The following HLA-DRB5 variants were observed in gnomAD, a reference collection of about 807,000 sequenced individuals.
The protein encoded by HLA-DRB5 is DR beta-5.
Under a neutral mutation model 22.4 loss-of-function variants are expected in HLA-DRB5, and 11 were observed. The observed-to-expected ratio is 0.49, with a 90% CI of 0.31 to 0.81. The LOEUF (loss-of-function observed/expected upper bound fraction) is 0.81, where lower values mean the gene tolerates loss of function less well. HLA-DRB5 is among the 40% of genes least tolerant of loss of function. HLA-DRB5 has a pLI of 0.05. For synonymous variants in HLA-DRB5, 57 were observed against 106.0 expected (o/e 0.54, Z 2.84); for missense variants, 106 against 274.4 (o/e 0.39, Z 4.34).
chr6:32,521,588 T>G (rs1768875056), intron 2 of HLA-DRB5, among the ~76,000 whole-genome samples: 1 of 101,234 alleles, frequency 9.9e-6, no homozygotes. Flanking sequence ...CAAGGTCTCC[T>G]CTCTCTCCAG....
intron 1 of HLA-DRB5, among the ~76,000 whole-genome samples, chr6:32,525,522 AG>A (rs1769494976): frequency 8.0e-6 from 1 of 124,864 alleles, no homozygotes; most frequent in African/African-American, 3.3e-5. Flanking sequence ...CTGAAAACAG[AG>A]GGCAGAAACA....
In HLA-DRB5 at chr6:32,519,589, C is replaced by CCAGGAG; in HGVS notation, c.427_432dup (p.Leu143_Leu144dup). ...GGATAGAAACCATTCACAGAGCAGA[C>CCAGGAG]CAGGAGGTTGTGGTGCTGCAGGGTC... On this transcript the variant is annotated inframe_insertion, in exon 3 of 6. Transcript: ENST00000374975. 8.3e-7 allele frequency: 1 copy of CCAGGAG among 1,199,208 alleles called. No individual in the cohort carries two copies. The highest frequency in any genetic ancestry group is 1.1e-6 in the Non-Finnish European group (1 of 879,532). The allele number at this position is 1,199,208 out of a possible 1,614,324, so 74.3% of individuals were successfully genotyped here.
intron 1 of HLA-DRB5, among the ~76,000 whole-genome samples, chr6:32,528,024 C>T (rs796325316): frequency 4.3e-4 from 7 of 16,386 alleles, no homozygotes; most frequent in East Asian, 1.4e-3. Flanking sequence ...CTTGCTTGCT[C>T]ACTTCAGTCC....
At chr6:32,524,089 C>T (rs72508446) in intron 1 of HLA-DRB5, among the ~76,000 whole-genome samples, 8 of 50,254 alleles carry the variant, frequency 1.6e-4, no homozygotes, top group African/African-American at 2.1e-4. Context: ...CAGGTGTGAA[C>T]CATCTGAAAA....
chr6:32,528,545 C>T (rs57818883), intron 1 of HLA-DRB5, among the ~76,000 whole-genome samples: 3,950 of 41,266 alleles, frequency 0.096, 1,785 homozygotes, highest in Admixed American at 0.22. Flanking sequence ...AATCCTTCTC[C>T]TCCCGGTGAG....
chr6:32,530,023 A>C, intron 1 of HLA-DRB5, 102 bp downstream of exon 1: 7 of 676,186 alleles, frequency 1.0e-5, no homozygotes, highest in East Asian at 6.2e-5. Context: ...TCTCTGAAGA[A>C]AATGTCACAA....
At chr6:32,523,816 C>T (rs74203767) in intron 1 of HLA-DRB5, among the ~76,000 whole-genome samples, 1 of 83,934 alleles carries the variant, frequency 1.2e-5, no homozygotes, top group African/African-American at 4.2e-5. Context: ...AGATGTGAGT[C>T]TAGAATTTTC....
At chr6:32,522,232 A>C (rs147793404) in intron 1 of HLA-DRB5, 58 bp from the exon 2 acceptor site, 71,812 of 390,384 alleles carry the variant, frequency 0.18, 17,408 homozygotes, top group Middle Eastern at 0.25. Flanking sequence ...ATACTGACAG[A>C]GACGCCGCCA....
In HLA-DRB5 at chr6:32,519,490, G is replaced by A; in HGVS notation, c.532C>T (p.Gln178Ter). ...GTCTGGAAGGTCCAGTCTCCATTCTGAATCAGGCCTGTGGACACCACCCCA... is the reference window on the plus strand; with the variant it reads ...GTCTGGAAGGTCCAGTCTCCATTCTAAATCAGGCCTGTGGACACCACCCCA... ...KAGVVSTGLI[Q>*]NGDWTFQTLV... The change falls in exon 3 of 6, where the codon CAG (glutamine) becomes TAG (stop). Residue 178 changes from glutamine (Q) to a stop codon, truncating the protein, a stop_gained. Coordinates refer to ENST00000374975, the MANE Select transcript of HLA-DRB5 (RefSeq NM_002125.4). LOFTEE classifies it high-confidence loss of function. 2 of 1,476,918 alleles carry A rather than the reference G, an allele frequency of 1.4e-6. No individual in the cohort carries two copies. Among genetic ancestry groups the A allele is most frequent in the Non-Finnish European group, 1.8e-6 (2 of 1,095,234 alleles). 91.5% of individuals were successfully genotyped at this position (1,476,918 alleles called of 1,614,324 possible).
At position 32,521,570 on chromosome 6, in the gene HLA-DRB5, G is replaced by T. The variant is rs561446219; in HGVS notation, c.370+335C>A. 7.1e-3 allele frequency among the ~76,000 whole-genome samples: 497 copies of T among 70,152 alleles called. 22 individuals carry two copies. The highest frequency in any genetic ancestry group is 0.024 in the African/African-American group (416 of 17,530). The allele number at this position is 70,152 out of a possible 152,430, so 46.0% of individuals were successfully genotyped here. A position where few individuals can be genotyped will look rare whatever the true frequency, so the allele number is the denominator to read the frequency against. ...TCCTTCCCTGCATCTCTAAGGACAC[G>T]AGACAACCAAGGTCTCCTCTCTCTC... On this transcript the variant is annotated intron_variant, in intron 2 of 5. Coordinates refer to ENST00000374975, the MANE Select transcript of HLA-DRB5 (RefSeq NM_002125.4).
In HLA-DRB5 at chr6:32,528,113, G is replaced by T. The variant is rs184297370; in HGVS notation, c.100+2012C>A. Among the ~76,000 whole-genome samples, 7 of 68,778 alleles carry T rather than the reference G, an allele frequency of 1.0e-4. No homozygotes were observed. The East Asian group carries it at 2.6e-3, about 25-fold the overall frequency. 45.1% of individuals were successfully genotyped at this position (68,778 alleles called of 152,430 possible). On this transcript the variant is annotated intron_variant, in intron 1 of 5. Coordinates refer to ENST00000374975, the MANE Select transcript of HLA-DRB5 (RefSeq NM_002125.4). ...CCAATTCGGTCTCCCTGGAACTTTC[G>T]TCCCTTAGATCTTCACGACTGTCTA...
intron 4 of HLA-DRB5, 49 bp from the exon 5 acceptor site, chr6:32,518,126 C>T: frequency 2.7e-6 from 1 of 369,358 alleles, no homozygotes; most frequent in Non-Finnish European, 3.9e-6. Flanking sequence ...GGAAGCAAAT[C>T]TATTCTCCCA....
At chr6:32,520,369 G>T (rs113183253) in intron 2 of HLA-DRB5, among the ~76,000 whole-genome samples, 6,711 of 57,106 alleles carry the variant, frequency 0.12, no homozygotes, top group Middle Eastern at 0.17. Flanking sequence ...AGAAATGGTT[G>T]TGCCCCTGGG....
chr6:32,527,058 A>ATACATGCCCAGTCTG (rs1769689058), intron 1 of HLA-DRB5, among the ~76,000 whole-genome samples: 1 of 18,346 alleles, frequency 5.5e-5, no homozygotes, highest in Non-Finnish European at 1.1e-4. Context: ...GGTAAGCAAA[A>ATACATGCCCAGTCTG]TCCACTTTAT....
At chr6:32,529,663 T>C (rs1770105354) in intron 1 of HLA-DRB5, among the ~76,000 whole-genome samples, 1 of 130,002 alleles carries the variant, frequency 7.7e-6, no homozygotes, top group African/African-American at 3.2e-5. Flanking sequence ...TTCTCACATA[T>C]GAGGAAGAGG....
chr6:32,524,784 T>C (rs114646537), intron 1 of HLA-DRB5, among the ~76,000 whole-genome samples: 20,830 of 59,218 alleles, frequency 0.35, 5,359 homozygotes, highest in Middle Eastern at 0.38. Context: ...TAATCCATGC[T>C]CATGTGTCCC....
chr6:32,529,919 A>G (rs1181125869), intron 1 of HLA-DRB5, among the ~76,000 whole-genome samples: 5,594 of 95,018 alleles, frequency 0.059, no homozygotes, highest in East Asian at 0.1. Context: ...AATGACCTGT[A>G]TGGAGGCCCC....
intron 2 of HLA-DRB5, among the ~76,000 whole-genome samples, chr6:32,521,214 G>A (rs796239890): frequency 0.027 from 1,062 of 38,630 alleles, no homozygotes; most frequent in East Asian, 0.049. Flanking sequence ...TAATAAAATA[G>A]TAACAGTGTA....
At chr6:32,525,968 A>G (rs747122150) in intron 1 of HLA-DRB5, among the ~76,000 whole-genome samples, 2 of 54,690 alleles carry the variant, frequency 3.7e-5, no homozygotes, top group Non-Finnish European at 7.4e-5. Context: ...GCCCTCTAAT[A>G]TTTCCTTGAT....
Sources: allele counts gnomAD v4.1 joint callset (sites outside exome capture counted in the v4.1 genomes callset), GRCh38; gene constraint gnomAD v4.1.1; transcripts MANE v1.5; gene names NCBI Gene and HGNC (gene_info 2026-07-23, HGNC 2026-07-21).